The following GALK2 variants were observed in gnomAD, a reference collection of about 807,000 sequenced individuals.
GALK2 encodes N-acetylgalactosamine kinase.
A neutral mutation model predicts 52.4 loss-of-function variants in GALK2; 36 were observed. The ratio of observed to expected loss-of-function variants is 0.69; its 90% CI spans 0.53 to 0.91. GALK2 has a LOEUF of 0.91. Among genes scored for constraint, GALK2 ranks in the 40% least tolerant of loss-of-function variants. GALK2 has a pLI of 0.00. For synonymous variants in GALK2, 176 were observed against 199.1 expected (o/e 0.88, Z 0.98); for missense variants, 579 against 559.1 (o/e 1.04, Z -0.36).
intron 6 of GALK2, among the ~76,000 whole-genome samples, chr15:49,282,453 T>C (rs1037261064): frequency 3.3e-5 from 5 of 152,174 alleles, no homozygotes; most frequent in South Asian, 4.2e-4. Context: ...ATTTTTATAA[T>C]CTCTTGTTGG....
intron 3 of GALK2, among the ~76,000 whole-genome samples, chr15:49,363,530 C>T (rs1311234311): frequency 1.3e-5 from 2 of 152,072 alleles, no homozygotes; most frequent in African/African-American, 2.4e-5. Flanking sequence ...TGGGCAGAGA[C>T]GATTGGTTTT....
intron 1 of GALK2, chr15:49,194,961 A>G: frequency 2.9e-6 from 1 of 348,902 alleles, no homozygotes; most frequent in Non-Finnish European, 5.5e-6. Flanking sequence ...GCTTATTGGT[A>G]TTTTTTGGGA....
At chr15:49,216,666 T>C (rs1391150041) in intron 2 of GALK2, among the ~76,000 whole-genome samples, 2 of 152,208 alleles carry the variant, frequency 1.3e-5, no homozygotes, top group Non-Finnish European at 2.9e-5. Context: ...GTGAGGTTGG[T>C]TGGGACTCAG....
chr15:49,258,189 C>T (rs964457277), intron 5 of GALK2, among the ~76,000 whole-genome samples: 5 of 151,968 alleles, frequency 3.3e-5, no homozygotes, highest in Non-Finnish European at 5.9e-5. Context: ...TGGGGTAGAG[C>T]AATTACTAAA....
At chr15:49,306,213 T>C (rs1460381502) in intron 8 of GALK2, among the ~76,000 whole-genome samples, 1 of 151,976 alleles carries the variant, frequency 6.6e-6, no homozygotes, top group African/African-American at 2.4e-5. Context: ...ACAGCCTATG[T>C]AATCTAGTAG....
intron 3 of GALK2, among the ~76,000 whole-genome samples, chr15:49,232,648 A>G (rs2090566535): frequency 6.6e-6 from 1 of 152,216 alleles, no homozygotes; most frequent in East Asian, 1.9e-4. Context: ...GCTCACGCAT[A>G]TGAACATAGG....
chr15:49,235,470 G>A (rs564798730), intron 3 of GALK2, among the ~76,000 whole-genome samples: 1 of 152,100 alleles, frequency 6.6e-6, no homozygotes, highest in African/African-American at 2.4e-5. Context: ...TGGCAGAGAT[G>A]GCTTTGAGTA....
At chr15:49,327,731 G>C in intron 9 of GALK2, 1 of 408,930 alleles carries the variant, frequency 2.4e-6, no homozygotes, top group Non-Finnish European at 4.3e-6. Context: ...TTACCACTTG[G>C]AGTCAAAACC....
Position 49,278,809 on chromosome 15 carries a change from T to G in GALK2, c.505-3178T>G, listed in dbSNP as rs555142973. Among the ~76,000 whole-genome samples the G allele has an allele frequency of 5.9e-5, 9 of 152,370 alleles. No homozygotes were observed. The South Asian group carries it at 1.9e-3, about 32-fold the overall frequency. On this transcript the variant is annotated intron_variant, in intron 5 of 9. Transcript: ENST00000560031. ...GTGTATTAGTCCGTTATCACACTGC[T>G]GTGAAGAAATACTTGATACTGGGTA...
At chr15:49,185,007 G>GT (rs2086245748) in intron 1 of GALK2, among the ~76,000 whole-genome samples, 3 of 152,072 alleles carry the variant, frequency 2.0e-5, no homozygotes, top group Admixed American at 6.6e-5. Flanking sequence ...CTGTTGATAT[G>GT]TGGGTACATG....
chr15:49,202,594 A>G (rs1012043507), intron 2 of GALK2, among the ~76,000 whole-genome samples: 25 of 152,182 alleles, frequency 1.6e-4, no homozygotes, highest in African/African-American at 5.8e-4. Context: ...TTAAAAATCC[A>G]TTCATCTGTG....
At chr15:49,182,096 A>G (rs1331798849) in intron 1 of GALK2, among the ~76,000 whole-genome samples, 1 of 152,138 alleles carries the variant, frequency 6.6e-6, no homozygotes, top group Non-Finnish European at 1.5e-5. Flanking sequence ...TATTCATTCT[A>G]TCTAACTTCA....
At position 49,282,068 on chromosome 15, in the gene GALK2, C is replaced by A. The variant is rs142740588; in HGVS notation, c.586C>A (p.Leu196Ile). Residue 196 changes from leucine to isoleucine, a missense_variant, in exon 6 of 10, where the codon CTT becomes ATT. Coordinates refer to ENST00000560031, the MANE Select transcript of GALK2 (RefSeq NM_002044.4). ...GGGMDQSISF[L>I]AEEGTAKLIE... ...AGGCATGGACCAGTCTATATCATTT[C>A]TTGCAGAAGAAGGAACTGTAGGTAG... 11 of 1,612,284 alleles carry A rather than the reference C, an allele frequency of 6.8e-6. No homozygotes were observed. Among genetic ancestry groups the A allele is most frequent in the Non-Finnish European group, 9.3e-6 (11 of 1,178,580 alleles).
intron 5 of GALK2, among the ~76,000 whole-genome samples, chr15:49,271,569 G>T (rs560012605): frequency 6.2e-4 from 94 of 152,304 alleles, no homozygotes; most frequent in Admixed American, 3.4e-3. Context: ...TCAAATTCTG[G>T]CTTTGCCACT....
At chr15:49,230,759 A>T (rs1230250972) in intron 3 of GALK2, among the ~76,000 whole-genome samples, 1 of 152,266 alleles carries the variant, frequency 6.6e-6, no homozygotes, top group African/African-American at 2.4e-5. Context: ...CAAGTAAATG[A>T]ATAAAATATG....
At chr15:49,171,302 G>C (rs564562618) in intron 1 of GALK2, among the ~76,000 whole-genome samples, 2 of 152,056 alleles carry the variant, frequency 1.3e-5, no homozygotes, top group East Asian at 3.9e-4. Context: ...GGCTGGTCTC[G>C]AGCTCCTGAG....
chr15:49,261,226 A>G (rs1330306525), intron 5 of GALK2, among the ~76,000 whole-genome samples: 1 of 147,796 alleles, frequency 6.8e-6, no homozygotes. Context: ...ATTTGTTTGT[A>G]TCCTCTTTTA....
chr15:49,325,072 C>G (rs545702775), intron 9 of GALK2, among the ~76,000 whole-genome samples: 27 of 152,276 alleles, frequency 1.8e-4, no homozygotes, highest in African/African-American at 6.5e-4. Flanking sequence ...CTGTATCTTG[C>G]AACTTAGTAA....
intron 2 of GALK2, among the ~76,000 whole-genome samples, chr15:49,210,959 A>ACACACACT (rs1555405142): frequency 9.3e-6 from 1 of 107,874 alleles, no homozygotes; most frequent in African/African-American, 3.4e-5. Flanking sequence ...GTTGGCTGTC[A>ACACACACT]CACACACACA....
Sources: allele counts gnomAD v4.1 joint callset (sites outside exome capture counted in the v4.1 genomes callset), GRCh38; gene constraint gnomAD v4.1.1; transcripts MANE v1.5; gene names NCBI Gene and HGNC (gene_info 2026-07-23, HGNC 2026-07-21).